The following SOX6 variants were observed in gnomAD, a reference collection of about 807,000 sequenced individuals.
SOX6 encodes the protein transcription factor SOX-6.
SOX6 carries 11 observed loss-of-function variants against 97.8 expected under a neutral mutation model. The ratio of observed to expected loss-of-function variants is 0.11; its 90% CI spans 0.07 to 0.19. SOX6 has a LOEUF of 0.19. Ranked by LOEUF, SOX6 falls within the 10% of genes least tolerant of loss-of-function variation. SOX6 has a pLI of 1.00. For synonymous variants in SOX6, 360 were observed against 371.4 expected (o/e 0.97, Z 0.35); for missense variants, 810 against 1,039.5 (o/e 0.78, Z 3.04).
At chr11:16,081,489 G>C (rs1034140157) in intron 9 of SOX6, among the ~76,000 whole-genome samples, 1 of 152,068 alleles carries the variant, frequency 6.6e-6, no homozygotes, top group Non-Finnish European at 1.5e-5. Flanking sequence ...TCTCCTCTGT[G>C]CCTGCCATAA....
At chr11:16,484,024 C>T (rs1590219674) in intron 4 of SOX6, 2 of 812,142 alleles carry the variant, frequency 2.5e-6, no homozygotes, top group Non-Finnish European at 4.4e-6. Flanking sequence ...TCGGGCTTGG[C>T]CCAGGGCCTG....
chr11:16,503,604 C>G (rs1860740883), intron 4 of SOX6, among the ~76,000 whole-genome samples: 1 of 152,098 alleles, frequency 6.6e-6, no homozygotes, highest in African/African-American at 2.4e-5. Context: ...AAAAGATATT[C>G]CACACAAAGG....
chr11:16,441,993 A>C (rs1309068886), intron 1 of SOX6, among the ~76,000 whole-genome samples: 1 of 152,228 alleles, frequency 6.6e-6, no homozygotes, highest in African/African-American at 2.4e-5. Flanking sequence ...AACTCTCTTC[A>C]TAACACAGAT....
chr11:16,227,392 C>A (rs1409461594), intron 4 of SOX6, among the ~76,000 whole-genome samples: 1 of 151,860 alleles, frequency 6.6e-6, no homozygotes, highest in Non-Finnish European at 1.5e-5. Context: ...TCCTTTAATT[C>A]ATTGATTCAT....
intron 12 of SOX6, among the ~76,000 whole-genome samples, chr11:16,030,915 A>C (rs1213600885): frequency 6.6e-6 from 1 of 152,232 alleles, no homozygotes; most frequent in Non-Finnish European, 1.5e-5. Context: ...AACAGGAGGC[A>C]GGAGGCACAC....
At chr11:16,450,142 A>G (rs1331507771) in intron 1 of SOX6, among the ~76,000 whole-genome samples, 1 of 152,204 alleles carries the variant, frequency 6.6e-6, no homozygotes, top group Non-Finnish European at 1.5e-5. Context: ...CTTCAGAGAA[A>G]TCTTTTTGTG....
intron 1 of SOX6, among the ~76,000 whole-genome samples, chr11:16,443,285 G>C (rs1359816516): frequency 6.6e-6 from 1 of 152,000 alleles, no homozygotes; most frequent in East Asian, 1.9e-4. Context: ...CTCTACATTA[G>C]AGTTTTAAGT....
intron 4 of SOX6, among the ~76,000 whole-genome samples, chr11:16,504,866 T>C (rs1350320586): frequency 5.9e-5 from 9 of 152,070 alleles, no homozygotes; most frequent in African/African-American, 9.7e-5. Context: ...TGTTCCTGCT[T>C]CCCCTTCACT....
chr11:16,061,618 G>C (rs762976633), intron 9 of SOX6, among the ~76,000 whole-genome samples: 1 of 151,760 alleles, frequency 6.6e-6, no homozygotes, highest in Non-Finnish European at 1.5e-5. Flanking sequence ...AAAGCTGGAG[G>C]CATCATATTA....
At chr11:16,318,716 A>G (rs1855825148) in intron 2 of SOX6, 63 bp from the exon 3 acceptor site, 1 of 1,416,638 alleles carries the variant, frequency 7.1e-7, no homozygotes, top group Admixed American at 1.7e-5. Flanking sequence ...TACTGGAGAA[A>G]AAAATCCCAA....
intron 2 of SOX6, among the ~76,000 whole-genome samples, chr11:16,719,617 T>C (rs1366675014): frequency 6.6e-6 from 1 of 152,160 alleles, no homozygotes; most frequent in Non-Finnish European, 1.5e-5. Context: ...TTGAGGTGAG[T>C]ATAAACTTCA....
In SOX6 at chr11:16,467,440, T is replaced by A. The variant is rs551203086; in HGVS notation, c.-5+8875A>T. Among the ~76,000 whole-genome samples, 3 of 152,318 alleles carry A rather than the reference T, an allele frequency of 2.0e-5. No individual in the cohort carries two copies. The South Asian group carries it at 6.2e-4, about 32-fold the overall frequency. On this transcript the variant is annotated intron_variant, in intron 1 of 15. Coordinates refer to the SOX6 transcript ENST00000396356. ...AATAAAATGTGGTACATACACACTATGGAATACTATGCAGCCATAAAAAGA... is the reference window on the plus strand; with the variant it reads ...AATAAAATGTGGTACATACACACTAAGGAATACTATGCAGCCATAAAAAGA...
chr11:16,119,785 A>T (rs189251381), intron 6 of SOX6, among the ~76,000 whole-genome samples: 1 of 152,314 alleles, frequency 6.6e-6, no homozygotes, highest in East Asian at 1.9e-4. Context: ...TGACTTTTAA[A>T]TACATCTTGA....
chr11:16,072,778 T>C (rs895737764), intron 9 of SOX6, among the ~76,000 whole-genome samples: 2 of 152,126 alleles, frequency 1.3e-5, no homozygotes, highest in African/African-American at 2.4e-5. Context: ...CCATAAGAGA[T>C]TGGGGGCCTA....
At chr11:16,348,055 G>C (rs1344504820) in intron 1 of SOX6, among the ~76,000 whole-genome samples, 1 of 151,906 alleles carries the variant, frequency 6.6e-6, no homozygotes, top group Non-Finnish European at 1.5e-5. Flanking sequence ...GAGGGGAAGA[G>C]GAGGGGAAAA....
chr11:16,549,824 T>G lies in SOX6; in HGVS notation n.609+62257A>C, dbSNP rs1178978550. Reference sequence around the variant, plus strand: ...ATAAATCTTCTTTCATTACGCAAAATGAAAGAAGCCAGACACAAAGGGCTA... The same window carrying G: ...ATAAATCTTCTTTCATTACGCAAAAGGAAAGAAGCCAGACACAAAGGGCTA... On this transcript the variant is annotated intron_variant and non_coding_transcript_variant, in intron 4 of 5. Coordinates refer to the SOX6 transcript ENST00000524520. Among the ~76,000 whole-genome samples the G allele has an allele frequency of 2.0e-5, 3 of 152,118 alleles. No homozygotes were observed. In the East Asian group the frequency reaches 5.8e-4, roughly 29 times the overall value.
At chr11:16,004,879 A>G (rs1393985179) in intron 13 of SOX6, among the ~76,000 whole-genome samples, 1 of 152,038 alleles carries the variant, frequency 6.6e-6, no homozygotes, top group African/African-American at 2.4e-5. Context: ...TTCTTTCTCT[A>G]AACTGTAGCT....
At chr11:16,712,682 C>T (rs1848190698) in intron 3 of SOX6, among the ~76,000 whole-genome samples, 1 of 152,154 alleles carries the variant, frequency 6.6e-6, no homozygotes, top group East Asian at 1.9e-4. Flanking sequence ...TCCACCTCAC[C>T]CTGAATCACT....
chr11:16,084,038 G>A (rs568856664), intron 9 of SOX6, among the ~76,000 whole-genome samples: 12 of 152,076 alleles, frequency 7.9e-5, no homozygotes, highest in Non-Finnish European at 1.5e-4. Flanking sequence ...GGAAATCTAT[G>A]TTAAAGTACC....
Sources: gnomAD v4.1 joint callset for allele counts (sites outside exome capture counted in the v4.1 genomes callset) on GRCh38, gnomAD v4.1.1 for gene constraint, MANE v1.5 for transcripts, NCBI Gene and HGNC (gene_info 2026-07-23, HGNC 2026-07-21) for gene names.